The following RGS7 variants were observed in gnomAD, a reference collection of about 807,000 sequenced individuals.
RGS7 encodes regulator of G protein signaling 7.
A neutral mutation model predicts 81.1 loss-of-function variants in RGS7; 27 were observed. The observed-to-expected ratio is 0.33, with a 90% confidence interval of 0.25 to 0.46. The LOEUF (loss-of-function observed/expected upper bound fraction) is 0.46. Ranked by LOEUF, RGS7 falls within the 20% of genes least tolerant of loss-of-function variation. The probability of loss-of-function intolerance (pLI) is 1.00; values close to 1 mark genes in which losing one functional copy is unlikely to be tolerated. For synonymous variants in RGS7, 208 were observed against 207.7 expected, an observed-to-expected ratio of 1.00 and a Z score of -0.01; for missense variants, 396 against 607.4, an observed-to-expected ratio of 0.65 and a Z score of 3.66.
At chr1:240,925,860 C>T (rs545545246) in intron 6 of RGS7, among the ~76,000 whole-genome samples, 171 of 152,280 alleles carry the variant, frequency 1.1e-3, no homozygotes, top group African/African-American at 4.1e-3. Flanking sequence ...CTTTGATTTA[C>T]AGTTCTCTGA....
At chr1:241,245,710 G>A (rs1181938468) in intron 2 of RGS7, among the ~76,000 whole-genome samples, 1 of 152,060 alleles carries the variant, frequency 6.6e-6, no homozygotes, top group Non-Finnish European at 1.5e-5. Flanking sequence ...GGGAGGCTGA[G>A]GCAGGAGAAT....
At chr1:240,820,739 G>A (rs569070979) in intron 10 of RGS7, among the ~76,000 whole-genome samples, 1 of 152,226 alleles carries the variant, frequency 6.6e-6, no homozygotes, top group Non-Finnish European at 1.5e-5. Flanking sequence ...AAATCTGCTG[G>A]TGCCTTGATC....
At chr1:240,973,027 C>A (rs552298165) in intron 4 of RGS7, among the ~76,000 whole-genome samples, 1 of 146,946 alleles carries the variant, frequency 6.8e-6, no homozygotes, top group East Asian at 2.0e-4. Context: ...CCAGCCTGGA[C>A]AACAGGAGAA....
At chr1:240,961,340 T>C (rs1383550952) in intron 4 of RGS7, among the ~76,000 whole-genome samples, 1 of 150,332 alleles carries the variant, frequency 6.7e-6, no homozygotes, top group Non-Finnish European at 1.5e-5. Context: ...CCTCATCAGA[T>C]AATCCAAAGT....
intron 2 of RGS7, among the ~76,000 whole-genome samples, chr1:241,227,746 T>TTACTCCTAGGTAACACAGCAA (rs60545154): frequency 0.26 from 39,174 of 151,540 alleles, 6,040 homozygotes; most frequent in East Asian, 0.59. Flanking sequence ...AGACCTTGTG[T>TTACTCCTAGGTAACACAGCAA]CACCTCCAGA....
intron 18 of RGS7, among the ~76,000 whole-genome samples, chr1:240,781,593 G>A (rs190170031): frequency 2.6e-5 from 4 of 152,286 alleles, no homozygotes; most frequent in East Asian, 1.9e-4. Context: ...GTGACAGAGC[G>A]AGACTCTGTC....
At chr1:240,803,079 A>T (rs1050798670) in intron 15 of RGS7, 86 bp from the exon 16 acceptor site, 1 of 909,492 alleles carries the variant, frequency 1.1e-6, no homozygotes, top group African/African-American at 1.6e-5. Context: ...CTAAAGAACA[A>T]ATCTAGTAGC....
chr1:240,960,086 T>G (rs1024351496), intron 4 of RGS7, among the ~76,000 whole-genome samples: 4 of 151,572 alleles, frequency 2.6e-5, no homozygotes, highest in African/African-American at 9.7e-5. Flanking sequence ...GAGGTGAAGA[T>G]TGCAGTGAGC....
Position 241,224,063 on chromosome 1 carries a change from A to AT in RGS7, c.79-125302_79-125301insA, listed in dbSNP as rs1553290930. 2.7e-5 allele frequency among the ~76,000 whole-genome samples: 4 copies of AT among 147,054 alleles called. No individual in the cohort carries two copies. The East Asian group carries it at 8.0e-4, about 30-fold the overall frequency. On this transcript the variant is annotated intron_variant, in intron 2 of 18. Transcript: ENST00000440928. The stretch of plus-strand genomic sequence containing the variant: ...TCTAATGACTGGTTGACTGGTGACC[A>AT]ATATATATATATATACCATATATAT...
intron 2 of RGS7, 33 bp downstream of exon 2, chr1:241,355,666 T>A: frequency 6.3e-7 from 1 of 1,594,686 alleles, no homozygotes; most frequent in Non-Finnish European, 8.6e-7. Context: ...GCCGGAAGTT[T>A]CCCGTTTTCC....
chr1:241,189,928 C>T (rs1023252756), intron 2 of RGS7, among the ~76,000 whole-genome samples: 1 of 151,772 alleles, frequency 6.6e-6, no homozygotes, highest in Non-Finnish European at 1.5e-5. Context: ...ACGGTGAAAC[C>T]CCGTCTCTAC....
intron 2 of RGS7, among the ~76,000 whole-genome samples, chr1:241,207,248 T>TCTCTCTCTCTCTCTCTC (rs1558189270): frequency 2.7e-5 from 4 of 149,910 alleles, no homozygotes; most frequent in African/African-American, 9.7e-5. Context: ...GTTTCTTTCT[T>TCTCTCTCTCTCTCTCTC]TCTCTCTCTC....
At chr1:241,190,342 T>A (rs968734383) in intron 2 of RGS7, among the ~76,000 whole-genome samples, 1 of 152,088 alleles carries the variant, frequency 6.6e-6, no homozygotes, top group Non-Finnish European at 1.5e-5. Context: ...TTTAAAATAA[T>A]CTCAATATTT....
At chr1:240,858,062 C>G (rs1042500124) in intron 9 of RGS7, among the ~76,000 whole-genome samples, 1 of 152,320 alleles carries the variant, frequency 6.6e-6, no homozygotes, top group Middle Eastern at 3.4e-3. Flanking sequence ...TTATAAATTA[C>G]CCAGTCTTGG....
intron 2 of RGS7, among the ~76,000 whole-genome samples, chr1:241,206,102 A>G (rs1225440400): frequency 3.3e-5 from 5 of 151,960 alleles, no homozygotes; most frequent in Non-Finnish European, 7.4e-5. Flanking sequence ...AGGCATCCCC[A>G]TTATAATCAC....
At chr1:241,258,980 C>A (rs1558245228) in intron 2 of RGS7, among the ~76,000 whole-genome samples, 1 of 152,076 alleles carries the variant, frequency 6.6e-6, no homozygotes, top group African/African-American at 2.4e-5. Flanking sequence ...CAGCAGGGGG[C>A]CATACTTCAC....
chr1:241,013,053 C>CTTTTTTTTTTTTTTTTTTTTTTTTT, intron 3 of RGS7, among the ~76,000 whole-genome samples: 1 of 80,312 alleles, frequency 1.2e-5, no homozygotes, highest in Non-Finnish European at 2.4e-5. Flanking sequence ...CTGACCCCTC[C>CTTTTTTTTTTTTTTTTTTTTTTTTT]TTTTTTTTTT....
At position 240,916,294 on chromosome 1, in the gene RGS7, TAGAG is replaced by T. The variant is rs1158000159; in HGVS notation, c.385+14419_385+14422del. Among the ~76,000 whole-genome samples, 345 of 117,462 alleles carry T rather than the reference TAGAG, an allele frequency of 2.9e-3. 3 individuals carry two copies. Among genetic ancestry groups the T allele is most frequent in the African/African-American group, 1.0e-2 (313 of 31,384 alleles). The allele number at this position is 117,462 out of a possible 152,430, so 77.1% of individuals were successfully genotyped here. On this transcript the variant is annotated intron_variant, in intron 6 of 18. Transcript: ENST00000440928. ...ACTGTCAAAAAAAAAAAAAAAAAAA[TAGAG>T]AGAGAAAGAGAGGACAGAACAGAAT... is the stretch of plus-strand genomic sequence containing the variant.
intron 2 of RGS7, among the ~76,000 whole-genome samples, chr1:241,122,101 G>A (rs1180126102): frequency 6.6e-6 from 1 of 152,078 alleles, no homozygotes; most frequent in Non-Finnish European, 1.5e-5. Context: ...TTATGCAAAT[G>A]CAGCTGCTAT....
Sources: allele counts gnomAD v4.1 joint callset (sites outside exome capture counted in the v4.1 genomes callset), GRCh38; gene constraint gnomAD v4.1.1; transcripts MANE v1.5; gene names NCBI Gene and HGNC (gene_info 2026-07-23, HGNC 2026-07-21).